Variants in DTD1 observed in about 807,000 individuals in gnomAD.
The protein encoded by DTD1 is D-aminoacyl-tRNA deacylase 1, also known as D-tyrosyl-tRNA deacylase 1 homolog.
DTD1 carries 13 observed loss-of-function variants against 25.6 expected under a neutral mutation model. The ratio of observed to expected loss-of-function variants is 0.51; its 90% CI spans 0.33 to 0.81. The LOEUF (loss-of-function observed/expected upper bound fraction) is 0.81, where lower values mean the gene tolerates loss of function less well. Ranked by LOEUF, DTD1 falls within the 30% of genes least tolerant of loss-of-function variation. DTD1 has a pLI of 0.02. For synonymous variants in DTD1, 110 were observed against 103.6 expected, an observed-to-expected ratio of 1.06 and a Z score of -0.37; for missense variants, 193 against 266.4, an observed-to-expected ratio of 0.72 and a Z score of 1.92.
chr20:18,613,321 T>C (rs553144107), intron 3 of DTD1, among the ~76,000 whole-genome samples: 12 of 152,344 alleles, frequency 7.9e-5, no homozygotes, highest in African/African-American at 2.9e-4. Context: ...ACTAAACTAG[T>C]GTGGCTGTTT....
At chr20:18,652,123 G>T (rs1409814039) in intron 4 of DTD1, among the ~76,000 whole-genome samples, 1 of 152,206 alleles carries the variant, frequency 6.6e-6, no homozygotes, top group Non-Finnish European at 1.5e-5. Context: ...ACGTGGAACT[G>T]TCTGCAGTGG....
intron 4 of DTD1, among the ~76,000 whole-genome samples, chr20:18,635,269 G>C (rs967738085): frequency 6.6e-6 from 1 of 152,202 alleles, no homozygotes; most frequent in Non-Finnish European, 1.5e-5. Context: ...TTATGCTGAA[G>C]TATCACCAAA....
At chr20:18,740,824 A>G (rs2061274886) in intron 4 of DTD1, among the ~76,000 whole-genome samples, 1 of 152,228 alleles carries the variant, frequency 6.6e-6, no homozygotes. Flanking sequence ...TGTCCTTATC[A>G]TTTCATCAAA....
chr20:18,741,259 C>T (rs1332220910), intron 4 of DTD1, among the ~76,000 whole-genome samples: 3 of 152,178 alleles, frequency 2.0e-5, no homozygotes, highest in African/African-American at 4.8e-5. Flanking sequence ...GGCGTGATCT[C>T]GGCTCACTGC....
chr20:18,703,879 A>G (rs2061115506), intron 4 of DTD1, among the ~76,000 whole-genome samples: 1 of 149,972 alleles, frequency 6.7e-6, no homozygotes, highest in Non-Finnish European at 1.5e-5. Context: ...TGTTTATTCT[A>G]CTCAGTTTTT....
chr20:18,736,029 G>A (rs182260390), intron 4 of DTD1, among the ~76,000 whole-genome samples: 21 of 152,200 alleles, frequency 1.4e-4, no homozygotes, highest in Middle Eastern at 3.4e-3. Context: ...GTGGCTCAGG[G>A]AAGCCAAAAG....
intron 4 of DTD1, among the ~76,000 whole-genome samples, chr20:18,738,502 C>T (rs537269817): frequency 6.6e-6 from 1 of 152,334 alleles, no homozygotes; most frequent in South Asian, 2.1e-4. Context: ...CTTCTGTGCA[C>T]CTCTGGATGT....
chr20:18,600,836 T>C (rs960188095), intron 3 of DTD1, among the ~76,000 whole-genome samples: 10 of 152,178 alleles, frequency 6.6e-5, no homozygotes, highest in Non-Finnish European at 1.3e-4. Flanking sequence ...TATACCTAAG[T>C]GTTTCATTCT....
chr20:18,682,543 C>G (rs902948563), intron 4 of DTD1, among the ~76,000 whole-genome samples: 11 of 151,662 alleles, frequency 7.3e-5, no homozygotes, highest in African/African-American at 2.7e-4. Context: ...CCCATGTTGT[C>G]TGTTGTCCTT....
At chr20:18,647,726 G>T (rs1482093907) in intron 4 of DTD1, among the ~76,000 whole-genome samples, 1 of 152,104 alleles carries the variant, frequency 6.6e-6, no homozygotes, top group African/African-American at 2.4e-5. Context: ...GTTTTTTGGC[G>T]GTGGGCAGTG....
At chr20:18,736,040 G>T (rs1302480792) in intron 4 of DTD1, among the ~76,000 whole-genome samples, 2 of 152,114 alleles carry the variant, frequency 1.3e-5, no homozygotes, top group African/African-American at 4.8e-5. Context: ...AAGCCAAAAG[G>T]TTGGACATCC....
At chr20:18,665,100 T>C (rs761569624) in intron 4 of DTD1, among the ~76,000 whole-genome samples, 4 of 152,200 alleles carry the variant, frequency 2.6e-5, no homozygotes, top group Admixed American at 1.3e-4. Context: ...ACGGAAGACA[T>C]AGCTAACTTA....
At chr20:18,697,210 C>A (rs6136474) in intron 4 of DTD1, among the ~76,000 whole-genome samples, 21,667 of 149,394 alleles carry the variant, frequency 0.15, 1,676 homozygotes, top group Admixed American at 0.2. Flanking sequence ...CCAGTCTGGG[C>A]GACAGAGTGA....
intron 4 of DTD1, among the ~76,000 whole-genome samples, chr20:18,664,682 G>C (rs2060924767): frequency 6.6e-6 from 1 of 152,168 alleles, no homozygotes; most frequent in Non-Finnish European, 1.5e-5. Context: ...TCAAAGTTTT[G>C]GAAGCCTTGG....
intron 4 of DTD1, among the ~76,000 whole-genome samples, chr20:18,718,353 G>A (rs1868551267): frequency 6.6e-6 from 1 of 152,222 alleles, no homozygotes; most frequent in Non-Finnish European, 1.5e-5. Flanking sequence ...TCAAGGGCCA[G>A]TGTGGCAACC....
In DTD1 at chr20:18,607,113, G is replaced by A. The variant is rs150718287; in HGVS notation, c.370+10872G>A. Among the ~76,000 whole-genome samples, 262 of 152,218 alleles carry A rather than the reference G, an allele frequency of 1.7e-3. 1 individual carries two copies. Among genetic ancestry groups the A allele is most frequent in the African/African-American group, 6.0e-3 (251 of 41,530 alleles). On this transcript the variant is annotated intron_variant, in intron 3 of 5. Transcript: ENST00000377452. ...CTGGGATAAATCCCACTTGATCATG[G>A]TGTATAATTCTTTTTATACATTGTT... is the stretch of plus-strand genomic sequence containing the variant.
At chr20:18,722,023 C>A (rs2061205617) in intron 4 of DTD1, among the ~76,000 whole-genome samples, 1 of 152,194 alleles carries the variant, frequency 6.6e-6, no homozygotes, top group Non-Finnish European at 1.5e-5. Flanking sequence ...TCCTCTGACC[C>A]ACATAGGTTA....
chr20:18,743,179 G>A lies in DTD1; in HGVS notation c.478-921G>A, dbSNP rs374555719. Among the ~76,000 whole-genome samples the A allele has an allele frequency of 2.6e-5, 4 of 152,254 alleles. No individual in the cohort carries two copies. The East Asian group carries it at 7.7e-4, about 29-fold the overall frequency. On this transcript the variant is annotated intron_variant, in intron 4 of 5. Transcript: ENST00000377452. Reference sequence around the variant, plus strand: ...GAAGAAGTGGGCCCAGGTTCCATTCGAGTGAGACATCAGGGGCATGTCCCC... The same window carrying A: ...GAAGAAGTGGGCCCAGGTTCCATTCAAGTGAGACATCAGGGGCATGTCCCC...
chr20:18,676,749 TGG>T (rs2060976916), intron 4 of DTD1, among the ~76,000 whole-genome samples: 1 of 152,216 alleles, frequency 6.6e-6, no homozygotes, highest in African/African-American at 2.4e-5. Flanking sequence ...GATCACATTT[TGG>T]TCCTATCTGT....
Sources: gnomAD v4.1 joint callset for allele counts (sites outside exome capture counted in the v4.1 genomes callset) on GRCh38, gnomAD v4.1.1 for gene constraint, MANE v1.5 for transcripts, NCBI Gene and HGNC (gene_info 2026-07-23, HGNC 2026-07-21) for gene names.